The following LAMA4 variants were observed in gnomAD, a reference collection of about 807,000 sequenced individuals.
The protein encoded by LAMA4 is laminin subunit alpha-4.
In LAMA4, 127 loss-of-function variants were observed where a neutral mutation model predicts 207.1. The ratio of observed to expected loss-of-function variants is 0.61; its 90% CI spans 0.53 to 0.71. The LOEUF (loss-of-function observed/expected upper bound fraction) is 0.71. LAMA4 is among the 30% of genes least tolerant of loss of function. The pLI is 0.00. For synonymous variants in LAMA4, 761 were observed against 816.0 expected (o/e 0.93, Z 1.15); for missense variants, 2,093 against 2,246.5 (o/e 0.93, Z 1.38).
Position 112,122,137 on chromosome 6 carries a change from G to A in LAMA4, c.4352C>T (p.Thr1451Ile). ...PVALKLPERN[T>I]PRNSHCHLSN... ...AAGGTGGCAATGAGAGTTTCTTGGA[G>A]TATTCCGCTCTGGGAGTTTCAGAGC... The change falls in exon 32 of 39, where the codon ACT (threonine) becomes ATT (isoleucine). Residue 1451 changes from threonine (T) to isoleucine (I), a missense_variant. Transcript: ENST00000230538. 1 of 1,613,894 alleles carries A rather than the reference G, an allele frequency of 6.2e-7. No individual in the cohort carries two copies. The highest frequency in any genetic ancestry group is 8.5e-7 in the Non-Finnish European group (1 of 1,179,844).
chr6:112,210,204 CT>C (rs56690682), intron 3 of LAMA4, among the ~76,000 whole-genome samples: 6,996 of 141,886 alleles, frequency 0.049, 380 homozygotes, highest in African/African-American at 0.14. Flanking sequence ...TCAGGTACGT[CT>C]TTTTTTTTTT....
intron 2 of LAMA4, among the ~76,000 whole-genome samples, chr6:112,241,961 C>G (rs1166268843): frequency 6.6e-6 from 1 of 152,152 alleles, no homozygotes; most frequent in Non-Finnish European, 1.5e-5. Context: ...GAAGACACAT[C>G]CTGAATCAGA....
chr6:112,167,973 C>T (rs377104546), intron 12 of LAMA4, among the ~76,000 whole-genome samples: 3 of 151,662 alleles, frequency 2.0e-5, no homozygotes, highest in Non-Finnish European at 2.9e-5. Context: ...TTTGGGAGGC[C>T]GAGGCAGGCA....
At chr6:112,200,866 A>G (rs1783702141) in intron 5 of LAMA4, among the ~76,000 whole-genome samples, 2 of 151,924 alleles carry the variant, frequency 1.3e-5, no homozygotes, top group East Asian at 3.9e-4. Flanking sequence ...GGAACATCAC[A>G]TACCGGGGCC....
chr6:112,125,875 C>A (rs1453791334), intron 31 of LAMA4, among the ~76,000 whole-genome samples: 11 of 152,218 alleles, frequency 7.2e-5, no homozygotes, highest in African/African-American at 2.4e-4. Flanking sequence ...ATTACAATCC[C>A]AATTGCTTTG....
intron 2 of LAMA4, among the ~76,000 whole-genome samples, chr6:112,224,831 A>G (rs1188738210): frequency 6.6e-6 from 1 of 151,078 alleles, no homozygotes; most frequent in African/African-American, 2.4e-5. Context: ...AAAAAAAAAA[A>G]AAAGCAAACA....
rs1164099908 is a variant in LAMA4 at position 112,123,451 on chromosome 6, GT to G, written c.4288-1251del. Among the ~76,000 whole-genome samples, 3 of 152,264 alleles carry G rather than the reference GT, an allele frequency of 2.0e-5. No homozygotes were observed. The East Asian group carries it at 5.8e-4, about 29-fold the overall frequency. On this transcript the variant is annotated intron_variant, in intron 31 of 38. Coordinates refer to ENST00000230538, the MANE Select transcript of LAMA4 (RefSeq NM_001105206.3). ...ACAGCAGTCCTGGAAATCTAGGAGG[GT>G]TTTTACTGGCAGAACCAAGCTGTGT...
chr6:112,253,494 C>A, intron 2 of LAMA4: 1 of 414,336 alleles, frequency 2.4e-6, no homozygotes. Flanking sequence ...CCTCACCTTC[C>A]CTGCTGCAGA....
Position 112,142,710 on chromosome 6 carries a change from T to A in LAMA4, c.2494-418A>T, listed in dbSNP as rs570243902. On this transcript the variant is annotated intron_variant, in intron 19 of 38. Transcript: ENST00000230538. ...AGCTGGGACTTTGTCCCTAGGGTCCTCATAAAAGGGACATGGGGTGAGGCT... is the reference window on the plus strand; with the variant it reads ...AGCTGGGACTTTGTCCCTAGGGTCCACATAAAAGGGACATGGGGTGAGGCT... Among the ~76,000 whole-genome samples the A allele has an allele frequency of 7.2e-5, 11 of 152,268 alleles. No individual in the cohort carries two copies. In the South Asian group the frequency reaches 2.3e-3, roughly 32 times the overall value.
At chr6:112,173,043 C>T (rs557053768) in intron 11 of LAMA4, among the ~76,000 whole-genome samples, 2 of 152,278 alleles carry the variant, frequency 1.3e-5, no homozygotes, top group South Asian at 4.2e-4. Context: ...AGTTTTCCCA[C>T]AGAGGTTGTG....
chr6:112,227,056 T>TATTTA (rs1785257524), intron 2 of LAMA4, among the ~76,000 whole-genome samples: 1 of 147,814 alleles, frequency 6.8e-6, no homozygotes, highest in Non-Finnish European at 1.5e-5. Context: ...TTTATTTATT[T>TATTTA]ATTTATTTAT....
chr6:112,191,433 G>A (rs1268949008), intron 6 of LAMA4, among the ~76,000 whole-genome samples: 7 of 152,186 alleles, frequency 4.6e-5, no homozygotes, highest in African/African-American at 1.7e-4. Flanking sequence ...TTCCACCCAT[G>A]AGCAAAATTA....
At chr6:112,170,778 A>G (rs553460033) in intron 12 of LAMA4, among the ~76,000 whole-genome samples, 4 of 152,342 alleles carry the variant, frequency 2.6e-5, no homozygotes, top group Non-Finnish European at 5.9e-5. Flanking sequence ...GATGATCACA[A>G]TTCAGAAACA....
Position 112,117,677 on chromosome 6 carries a change from CT to C in LAMA4, c.4981+61del. 6.6e-7 allele frequency: 1 copy of C among 1,512,586 alleles called. No homozygotes were observed. Among genetic ancestry groups the C allele is most frequent in the African/African-American group, 1.4e-5 (1 of 72,346 alleles). 93.7% of individuals were successfully genotyped at this position (1,512,586 alleles called of 1,614,324 possible). A position where few individuals can be genotyped will look rare whatever the true frequency, so the allele number is the denominator to read the frequency against. ...GTTTTAACTCTGGGCCTGATATTCC[CT>C]GTTAGCCATCTCCAGGAAGAAGCAT... On this transcript the variant is annotated intron_variant, in intron 35 of 38. Coordinates refer to ENST00000230538, the MANE Select transcript of LAMA4 (RefSeq NM_001105206.3). This position sits in a 1 kb window ranked among gnomAD's most constrained non-coding sequence, Gnocchi z 4.5.
intron 24 of LAMA4, among the ~76,000 whole-genome samples, chr6:112,138,760 A>G (rs534912526): frequency 1.3e-5 from 2 of 152,190 alleles, no homozygotes; most frequent in African/African-American, 4.8e-5. Context: ...ACACACATAC[A>G]TATATACAAA....
intron 2 of LAMA4, among the ~76,000 whole-genome samples, chr6:112,243,243 C>G (rs1786654976): frequency 6.6e-6 from 1 of 152,026 alleles, no homozygotes; most frequent in African/African-American, 2.4e-5. Flanking sequence ...CAGATCAGCC[C>G]CAGCCCCACA....
In LAMA4 at chr6:112,244,636, G is replaced by A. The variant is rs1786776295; in HGVS notation, c.195+9320C>T. ...CTCCCAGGCTGAACTCCAATTTGGG[G>A]GTTTACCCTGTGACACGTGTACTAC... is the stretch of plus-strand genomic sequence containing the variant. On this transcript the variant is annotated intron_variant, in intron 2 of 38. Coordinates refer to ENST00000230538, the MANE Select transcript of LAMA4 (RefSeq NM_001105206.3). Among the ~76,000 whole-genome samples the A allele has an allele frequency of 2.6e-5, 4 of 152,142 alleles. No homozygotes were observed. The South Asian group carries it at 8.3e-4, about 32-fold the overall frequency.
intron 4 of LAMA4, among the ~76,000 whole-genome samples, chr6:112,206,804 G>A (rs574434403): frequency 3.3e-5 from 5 of 152,184 alleles, no homozygotes; most frequent in African/African-American, 1.2e-4. Flanking sequence ...CCAATATTTC[G>A]GGAACACAGT....
At chr6:112,135,112 T>TGC (rs1554331158) in intron 25 of LAMA4, among the ~76,000 whole-genome samples, 1 of 151,976 alleles carries the variant, frequency 6.6e-6, no homozygotes, top group Non-Finnish European at 1.5e-5. Context: ...CTTTGTGGTG[T>TGC]GTGTGTGTGT....
Sources: gnomAD v4.1 joint callset for allele counts (sites outside exome capture counted in the v4.1 genomes callset) on GRCh38, gnomAD v4.1.1 for gene constraint, Gnocchi (gnomAD v3.1) non-coding constraint, MANE v1.5 for transcripts, NCBI Gene and HGNC (gene_info 2026-07-23, HGNC 2026-07-21) for gene names.